WDTC1: variants seen among roughly 807,000 people sequenced by gnomAD.
WDTC1 encodes the protein WD and tetratricopeptide repeats 1, also known as WD and tetratricopeptide repeats protein 1.
In WDTC1, 12 loss-of-function variants were observed where a neutral mutation model predicts 76.0. The ratio of observed to expected loss-of-function variants is 0.16; its 90% CI spans 0.10 to 0.26. The LOEUF (loss-of-function observed/expected upper bound fraction) is 0.26, where lower values mean the gene tolerates loss of function less well. Among genes scored for constraint, WDTC1 ranks in the 10% least tolerant of loss-of-function variants. The probability of loss-of-function intolerance (pLI) is 1.00; values close to 1 mark genes in which losing one functional copy is unlikely to be tolerated. For missense variants in WDTC1, 511 were observed against 908.8 expected (o/e 0.56, Z 5.63); for synonymous variants, 326 against 350.8 (o/e 0.93, Z 0.79).
At chr1:27,291,202 A>G (rs1398841366) in intron 6 of WDTC1, among the ~76,000 whole-genome samples, 2 of 152,270 alleles carry the variant, frequency 1.3e-5, no homozygotes, top group African/African-American at 4.8e-5. Flanking sequence ...TTGCAAAGGC[A>G]GAAATAAACA....
At position 27,274,207 on chromosome 1, in the gene WDTC1, C is replaced by G. The variant is rs1474969806; in HGVS notation, c.133-8032C>G. Reference sequence around the variant, plus strand: ...TAGGGAGTCTAACATGGGAGGATTGCTTGAGCCTAGGAGGTTGAGGCTGCA... The same window carrying G: ...TAGGGAGTCTAACATGGGAGGATTGGTTGAGCCTAGGAGGTTGAGGCTGCA... On this transcript the variant is annotated intron_variant, in intron 3 of 15. Coordinates refer to ENST00000319394, the MANE Select transcript of WDTC1 (RefSeq NM_001276252.2). The surrounding 1 kb of genome is among the most constrained non-coding windows in gnomAD (Gnocchi z 4.2). 6.6e-6 allele frequency among the ~76,000 whole-genome samples: 1 copy of G among 151,834 alleles called. No individual in the cohort carries two copies. The highest frequency in any genetic ancestry group is 1.5e-5 in the Non-Finnish European group (1 of 67,960).
rs2147924996 is a variant in WDTC1 at position 27,256,619 on chromosome 1, C to T, written c.-99-4337C>T. On this transcript the variant is annotated intron_variant, in intron 1 of 15. Coordinates refer to ENST00000319394, the MANE Select transcript of WDTC1 (RefSeq NM_001276252.2). ...TGTTATTGCCATCATACACTTTCCA[C>T]TACTGGATATTTTCTTATTTTTATT... Among the ~76,000 whole-genome samples, 7 of 152,324 alleles carry T rather than the reference C, an allele frequency of 4.6e-5. No individual in the cohort carries two copies. In the South Asian group the frequency reaches 1.4e-3, roughly 32 times the overall value.
chr1:27,277,030 T>C (rs1244014926), intron 3 of WDTC1, among the ~76,000 whole-genome samples: 1 of 6,426 alleles, frequency 1.6e-4, no homozygotes, highest in Non-Finnish European at 6.1e-3. Flanking sequence ...TCAATTTATG[T>C]TTTATTTTTT....
chr1:27,241,724 A>C (rs2147900184), intron 1 of WDTC1, among the ~76,000 whole-genome samples: 1 of 152,266 alleles, frequency 6.6e-6, no homozygotes, highest in Non-Finnish European at 1.5e-5. Flanking sequence ...AGCATTATCA[A>C]AATATGCTCC....
intron 1 of WDTC1, among the ~76,000 whole-genome samples, chr1:27,249,627 AG>A (rs2011968897): frequency 6.6e-6 from 1 of 152,048 alleles, no homozygotes. Context: ...ACTCTCACTA[AG>A]GCTGGAGTGG....
intron 1 of WDTC1, among the ~76,000 whole-genome samples, chr1:27,246,253 A>C (rs758657500): frequency 6.6e-6 from 1 of 151,858 alleles, no homozygotes; most frequent in Non-Finnish European, 1.5e-5. Flanking sequence ...CCTCCCCAAC[A>C]CTCCCATCTC....
Position 27,240,111 on chromosome 1 carries a change from G to A in WDTC1, c.-100+5160G>A, listed in dbSNP as rs186778376. ...TCACCATGTTGGCCAAGCTGGTCTCGAATTCCTGACCTCAGGTGATCCACT... is the reference window on the plus strand; with the variant it reads ...TCACCATGTTGGCCAAGCTGGTCTCAAATTCCTGACCTCAGGTGATCCACT... On this transcript the variant is annotated intron_variant, in intron 1 of 15. Transcript: ENST00000319394. Among the ~76,000 whole-genome samples, 137 of 152,056 alleles carry A rather than the reference G, an allele frequency of 9.0e-4. 1 individual carries two copies. The South Asian group carries it at 0.012, about 13-fold the overall frequency.
At position 27,300,331 on chromosome 1, in the gene WDTC1, G is replaced by GA. The variant is rs202182748; in HGVS notation, c.1233-884dup. Among the ~76,000 whole-genome samples, 541 of 147,108 alleles carry GA rather than the reference G, an allele frequency of 3.7e-3. 2 individuals are homozygous for GA. The highest frequency in any genetic ancestry group is 7.1e-3 in the Middle Eastern group (2 of 282). ...GTCCTAGGCCTACTCCAGCCCAGCT[G>GA]AAAAAAAAAAATGGCTTCTGAAGAA... On this transcript the variant is annotated intron_variant, in intron 12 of 15. Transcript: ENST00000319394.
At position 27,282,765 on chromosome 1, in the gene WDTC1, A is replaced by G. The variant is rs542325415; in HGVS notation, c.179+480A>G. Among the ~76,000 whole-genome samples the G allele has an allele frequency of 2.0e-5, 3 of 151,922 alleles. No individual in the cohort carries two copies. The South Asian group carries it at 6.2e-4, about 32-fold the overall frequency. ...GCAATCCACCTGCCTCAGCCTCCCA[A>G]AGTGCTAGGATTACAGGCATGAACT... On this transcript the variant is annotated intron_variant, in intron 4 of 15. Coordinates refer to ENST00000319394, the MANE Select transcript of WDTC1 (RefSeq NM_001276252.2).
intron 7 of WDTC1, among the ~76,000 whole-genome samples, chr1:27,293,154 C>T (rs560602971): frequency 9.9e-5 from 15 of 151,100 alleles, no homozygotes; most frequent in African/African-American, 2.9e-4. Context: ...TAAATTAGGC[C>T]GGGCGTGGTG....
At chr1:27,294,176 C>A in intron 8 of WDTC1, 60 bp downstream of exon 8, 1 of 1,557,210 alleles carries the variant, frequency 6.4e-7, no homozygotes, top group Non-Finnish European at 8.8e-7. Context: ...CTTTTGGGGG[C>A]AGTCCAGGGA....
chr1:27,295,056 G>C (rs1264148373), intron 9 of WDTC1, among the ~76,000 whole-genome samples: 1 of 152,208 alleles, frequency 6.6e-6, no homozygotes, highest in Admixed American at 6.5e-5. Flanking sequence ...CTGTGGGTTA[G>C]TGCCAGCTTT....
intron 3 of WDTC1, among the ~76,000 whole-genome samples, chr1:27,276,753 G>C (rs1244697922): frequency 1.3e-5 from 2 of 151,576 alleles, no homozygotes; most frequent in African/African-American, 4.8e-5. Flanking sequence ...TGGTGGGTGT[G>C]AAGTGGTATC....
chr1:27,288,529 G>C (rs1006416220), intron 6 of WDTC1, among the ~76,000 whole-genome samples: 2 of 151,772 alleles, frequency 1.3e-5, no homozygotes, highest in African/African-American at 4.8e-5. Context: ...CTGGGTACTT[G>C]AGATTAGGGA....
intron 1 of WDTC1, among the ~76,000 whole-genome samples, chr1:27,236,135 A>C (rs2011486729): frequency 6.6e-6 from 1 of 152,126 alleles, no homozygotes. Flanking sequence ...GTACTGAAGG[A>C]ACTACTTAAT....
chr1:27,292,918 A>T (rs2013577453), intron 7 of WDTC1, among the ~76,000 whole-genome samples: 1 of 149,402 alleles, frequency 6.7e-6, no homozygotes, highest in Admixed American at 6.7e-5. Context: ...CACCTGGCTA[A>T]TTTTTGTATT....
chr1:27,280,271 T>A (rs2147957668), intron 3 of WDTC1, among the ~76,000 whole-genome samples: 1 of 152,324 alleles, frequency 6.6e-6, no homozygotes, highest in Admixed American at 6.5e-5. Context: ...AACATTGAGC[T>A]GGATTAAAGA....
At chr1:27,289,155 C>A (rs1445199394) in intron 6 of WDTC1, among the ~76,000 whole-genome samples, 1 of 147,856 alleles carries the variant, frequency 6.8e-6, no homozygotes, top group Non-Finnish European at 1.5e-5. Flanking sequence ...GTAGGGGCGG[C>A]CGGGCAGAGG....
chr1:27,270,325 G>A (rs2012830049), intron 3 of WDTC1, among the ~76,000 whole-genome samples: 1 of 152,220 alleles, frequency 6.6e-6, no homozygotes, highest in Non-Finnish European at 1.5e-5. Flanking sequence ...GGTTATGACA[G>A]TGATTCAGGA....
Sources: gnomAD v4.1 joint callset for allele counts (sites outside exome capture counted in the v4.1 genomes callset) on GRCh38, gnomAD v4.1.1 for gene constraint, Gnocchi (gnomAD v3.1) non-coding constraint, MANE v1.5 for transcripts, NCBI Gene and HGNC (gene_info 2026-07-23, HGNC 2026-07-21) for gene names.